The following CCDC68 variants were observed in gnomAD, a reference collection of about 807,000 sequenced individuals.
CCDC68 encodes the protein coiled-coil domain-containing protein 68.
Under a neutral mutation model 47.1 loss-of-function variants are expected in CCDC68, and 45 were observed. That is an observed-to-expected ratio of 0.96 (90% CI 0.75 to 1.23). CCDC68 has a LOEUF of 1.23. Among genes scored for constraint, CCDC68 ranks in the 50% most tolerant of loss-of-function variants. The pLI is 0.00. For missense variants in CCDC68, 353 were observed against 373.6 expected (o/e 0.94, Z 0.45); for synonymous variants, 131 against 129.5 (o/e 1.01, Z -0.08).
intron 2 of CCDC68, 97 bp from the exon 3 acceptor site, chr18:54,942,900 C>A (rs2044462438): frequency 1.4e-6 from 1 of 705,454 alleles, no homozygotes; most frequent in Non-Finnish European, 2.5e-6. Context: ...TCACTATAGT[C>A]AAATATAGCA....
chr18:54,910,366 T>G (rs1914286900), intron 10 of CCDC68, among the ~76,000 whole-genome samples: 1 of 152,122 alleles, frequency 6.6e-6, no homozygotes, highest in Admixed American at 6.5e-5. Flanking sequence ...CTGGAGTGGG[T>G]AGCTCTTCTC....
intron 8 of CCDC68, 64 bp from the exon 9 acceptor site, chr18:54,919,440 C>A: frequency 7.5e-7 from 1 of 1,341,020 alleles, no homozygotes; most frequent in Non-Finnish European, 1.1e-6. Flanking sequence ...ATAGCTCGTC[C>A]TTACTGCTAG....
intron 3 of CCDC68, 87 bp downstream of exon 3, chr18:54,942,588 T>A (rs1321085896): frequency 2.5e-6 from 2 of 797,826 alleles, no homozygotes; most frequent in Non-Finnish European, 2.1e-6. Context: ...ATATGTTCTA[T>A]GGAGAGGGAA....
At chr18:54,940,864 A>T (rs141850798) in intron 4 of CCDC68, 133 bp downstream of exon 4, 8 of 630,782 alleles carry the variant, frequency 1.3e-5, no homozygotes, top group African/African-American at 3.7e-5. Context: ...ACATATGGCC[A>T]TTAACGTCTT....
chr18:54,907,215 T>TA (rs934172427), intron 11 of CCDC68, among the ~76,000 whole-genome samples: 134 of 152,282 alleles, frequency 8.8e-4, no homozygotes, highest in African/African-American at 3.1e-3. Context: ...AAATTTAACT[T>TA]AAAAAAATGA....
Position 54,930,589 on chromosome 18 carries a change from CCCTT to C in CCDC68, c.601-1711_601-1708del, listed in dbSNP as rs201155377. 5.1e-3 allele frequency among the ~76,000 whole-genome samples: 529 copies of C among 103,148 alleles called. 5 individuals are homozygous for C. Among genetic ancestry groups the C allele is most frequent in the African/African-American group, 0.019 (444 of 23,920 alleles). The allele number at this position is 103,148 out of a possible 152,430, so 67.7% of individuals were successfully genotyped here. On this transcript the variant is annotated intron_variant, in intron 7 of 11. Transcript: ENST00000591504. ...TTCTGAAGGATCACAGATACTCACT[CCCTT>C]CCTTCCTTCCTTCCTTCCTTCCCTT...
intron 1 of CCDC68, among the ~76,000 whole-genome samples, chr18:54,947,074 C>T (rs1439430891): frequency 6.6e-6 from 1 of 152,174 alleles, no homozygotes; most frequent in African/African-American, 2.4e-5. Context: ...CCAAGGGGAA[C>T]ATAAGCCGGC....
chr18:54,955,225 T>C (rs1397317329), intron 1 of CCDC68, among the ~76,000 whole-genome samples: 1 of 152,066 alleles, frequency 6.6e-6, no homozygotes, highest in African/African-American at 2.4e-5. Flanking sequence ...GGAGGCTGAG[T>C]GAGGCAGGAG....
chr18:54,953,311 A>C (rs150273006), intron 1 of CCDC68, among the ~76,000 whole-genome samples: 1 of 152,160 alleles, frequency 6.6e-6, no homozygotes, highest in Non-Finnish European at 1.5e-5. Context: ...GTCTATACTG[A>C]AAAAGATGAA....
intron 7 of CCDC68, among the ~76,000 whole-genome samples, chr18:54,931,059 CA>C (rs1449448328): frequency 6.6e-6 from 1 of 151,184 alleles, no homozygotes; most frequent in African/African-American, 2.4e-5. Flanking sequence ...CTTGGATTGT[CA>C]AAAAAAACAC....
intron 5 of CCDC68, 187 bp downstream of exon 5, chr18:54,937,770 T>TA (rs2145559848): frequency 2.2e-6 from 1 of 458,412 alleles, no homozygotes; most frequent in Non-Finnish European, 3.9e-6. Context: ...AAAAGAAGCC[T>TA]CAAAAATAAA....
chr18:54,921,229 C>T (rs2044054405), intron 8 of CCDC68, among the ~76,000 whole-genome samples: 1 of 152,166 alleles, frequency 6.6e-6, no homozygotes, highest in Non-Finnish European at 1.5e-5. Flanking sequence ...GGTTAAAAAA[C>T]TACCTGAGTG....
intron 1 of CCDC68, among the ~76,000 whole-genome samples, chr18:54,957,121 CAA>C (rs2044724815): frequency 6.6e-6 from 1 of 152,044 alleles, no homozygotes; most frequent in African/African-American, 2.4e-5. Flanking sequence ...ATCCATACTA[CAA>C]GTTTAGTTTT....
chr18:54,934,586 T>C (rs2044312570), intron 7 of CCDC68, among the ~76,000 whole-genome samples: 1 of 152,202 alleles, frequency 6.6e-6, no homozygotes, highest in African/African-American at 2.4e-5. Context: ...TGACAAATGA[T>C]GATATGACTA....
Position 54,934,964 on chromosome 18 carries a change from C to A in CCDC68, c.472-16G>T. 1 of 1,560,574 alleles carries A rather than the reference C, an allele frequency of 6.4e-7. No homozygotes were observed. Among genetic ancestry groups the A allele is most frequent in the South Asian group, 1.2e-5 (1 of 82,110 alleles). ...GCTTGTTAACCTATGGTCAGAGAATCAGTTGTGTTGTGAAAACTCTGTTTT... is the reference window on the plus strand; with the variant it reads ...GCTTGTTAACCTATGGTCAGAGAATAAGTTGTGTTGTGAAAACTCTGTTTT... On this transcript the variant is annotated splice_polypyrimidine_tract_variant and intron_variant, in intron 6 of 11. Transcript: ENST00000591504.
intron 1 of CCDC68, among the ~76,000 whole-genome samples, chr18:54,958,701 T>TC (rs1040268753): frequency 5.3e-5 from 8 of 152,314 alleles, no homozygotes; most frequent in African/African-American, 1.9e-4. Flanking sequence ...ACTTGCACGG[T>TC]CCCGTACTAA....
intron 8 of CCDC68, among the ~76,000 whole-genome samples, chr18:54,924,858 T>C (rs2044119518): frequency 6.6e-6 from 1 of 152,156 alleles, no homozygotes; most frequent in African/African-American, 2.4e-5. Context: ...GCGGGTAGCA[T>C]TATTGGACTT....
At chr18:54,937,076 A>G in intron 5 of CCDC68, 118 bp from the exon 6 acceptor site, 1 of 900,270 alleles carries the variant, frequency 1.1e-6, no homozygotes, top group African/African-American at 1.7e-5. Flanking sequence ...ACAGCCTCAT[A>G]GACAATGGAT....
At chr18:54,942,939 T>C in intron 2 of CCDC68, 136 bp from the exon 3 acceptor site, 1 of 544,326 alleles carries the variant, frequency 1.8e-6, no homozygotes, top group South Asian at 2.5e-5. Context: ...GGTATCTGTA[T>C]ATATTCATAA....
Sources: allele counts gnomAD v4.1 joint callset (sites outside exome capture counted in the v4.1 genomes callset), GRCh38; gene constraint gnomAD v4.1.1; transcripts MANE v1.5; gene names NCBI Gene and HGNC (gene_info 2026-07-23, HGNC 2026-07-21).